The following PTPRD variants were observed in gnomAD, a reference collection of about 807,000 sequenced individuals.
PTPRD encodes the protein receptor-type tyrosine-protein phosphatase delta.
PTPRD carries 34 observed loss-of-function variants against 214.5 expected under a neutral mutation model. That is an observed-to-expected ratio of 0.16 (90% CI 0.12 to 0.21). PTPRD has a LOEUF of 0.21. Among genes scored for constraint, PTPRD ranks in the 10% least tolerant of loss-of-function variants. PTPRD has a pLI of 1.00. For missense variants in PTPRD, 2,545 were observed against 2,398.7 expected, an observed-to-expected ratio of 1.06 and a Z score of -1.27; for synonymous variants, 1,128 against 845.7, an observed-to-expected ratio of 1.33 and a Z score of -5.79.
At chr9:10,546,691 T>C (rs2060244202) in intron 2 of PTPRD, among the ~76,000 whole-genome samples, 1 of 152,022 alleles carries the variant, frequency 6.6e-6, no homozygotes, top group Admixed American at 6.6e-5. Flanking sequence ...CAATGAAGCA[T>C]AATAGATAGT....
chr9:9,144,658 C>T (rs1227008912), intron 10 of PTPRD, among the ~76,000 whole-genome samples: 1 of 152,002 alleles, frequency 6.6e-6, no homozygotes, highest in Non-Finnish European at 1.5e-5. Context: ...GAGGTTGAAG[C>T]ACGAGAATCA....
At chr9:9,640,293 C>G (rs573711430) in intron 7 of PTPRD, among the ~76,000 whole-genome samples, 1 of 152,196 alleles carries the variant, frequency 6.6e-6, no homozygotes, top group South Asian at 2.1e-4. Context: ...GCACTCTTTC[C>G]GAGGAACAGT....
At chr9:9,492,925 G>C (rs1160423630) in intron 8 of PTPRD, among the ~76,000 whole-genome samples, 1 of 144,582 alleles carries the variant, frequency 6.9e-6, no homozygotes, top group Admixed American at 7.1e-5. Flanking sequence ...AATTGTTCTG[G>C]GGCACCATGA....
chr9:9,211,618 C>G (rs1016617571), intron 9 of PTPRD, among the ~76,000 whole-genome samples: 5 of 151,482 alleles, frequency 3.3e-5, no homozygotes, highest in African/African-American at 9.7e-5. Context: ...CTTTAAGCTA[C>G]AAAATATTTG....
chr9:9,330,445 T>C (rs532973289), intron 9 of PTPRD, among the ~76,000 whole-genome samples: 6 of 152,278 alleles, frequency 3.9e-5, no homozygotes, highest in African/African-American at 9.6e-5. Flanking sequence ...ATTCTATACA[T>C]ATAATTGAAA....
intron 4 of PTPRD, among the ~76,000 whole-genome samples, chr9:9,973,382 G>A (rs1205831011): frequency 6.6e-6 from 1 of 151,950 alleles, no homozygotes; most frequent in Non-Finnish European, 1.5e-5. Flanking sequence ...TGAAGCCGGA[G>A]GGTTACTTAA....
chr9:8,655,476 T>G (rs147003133), intron 12 of PTPRD, among the ~76,000 whole-genome samples: 1 of 152,212 alleles, frequency 6.6e-6, no homozygotes, highest in Non-Finnish European at 1.5e-5. Context: ...AAGCATTTTC[T>G]GGAAATAGTG....
intron 7 of PTPRD, among the ~76,000 whole-genome samples, chr9:9,698,993 C>T (rs186666772): frequency 9.3e-4 from 142 of 152,168 alleles, no homozygotes; most frequent in African/African-American, 2.9e-3. Context: ...TTTAATAAAA[C>T]GATTGTCTTT....
At chr9:9,919,622 T>C (rs2081979145) in intron 5 of PTPRD, among the ~76,000 whole-genome samples, 1 of 152,120 alleles carries the variant, frequency 6.6e-6, no homozygotes, top group Non-Finnish European at 1.5e-5. Context: ...CAGATGGAAA[T>C]GGAAATTACA....
intron 9 of PTPRD, among the ~76,000 whole-genome samples, chr9:9,288,679 C>G (rs916246051): frequency 3.3e-5 from 5 of 151,800 alleles, no homozygotes; most frequent in Non-Finnish European, 7.4e-5. Context: ...TAAATACATG[C>G]TTTGTTTTTC....
chr9:9,543,581 G>T (rs2078092351), intron 8 of PTPRD, among the ~76,000 whole-genome samples: 1 of 151,246 alleles, frequency 6.6e-6, no homozygotes, highest in South Asian at 2.1e-4. Context: ...AGATTTTTTG[G>T]TGATGGATAA....
intron 11 of PTPRD, among the ~76,000 whole-genome samples, chr9:9,006,186 G>C (rs772608087): frequency 1.4e-5 from 2 of 139,790 alleles, no homozygotes; most frequent in Non-Finnish European, 3.1e-5. Context: ...AGAAAGATTA[G>C]AGGTGTATCC....
intron 3 of PTPRD, among the ~76,000 whole-genome samples, chr9:10,099,200 G>A (rs72694848): frequency 0.036 from 5,483 of 151,542 alleles, 177 homozygotes; most frequent in Admixed American, 0.092. Flanking sequence ...AAGAGCCTGG[G>A]GTCTAAAATC....
intron 30 of PTPRD, among the ~76,000 whole-genome samples, chr9:8,478,972 T>C (rs1291350723): frequency 6.6e-6 from 1 of 152,168 alleles, no homozygotes; most frequent in African/African-American, 2.4e-5. Flanking sequence ...TGAAAACAAA[T>C]AGGAAGCATT....
chr9:9,058,637 G>C (rs1408534970), intron 10 of PTPRD, among the ~76,000 whole-genome samples: 2 of 150,852 alleles, frequency 1.3e-5, no homozygotes, highest in African/African-American at 4.9e-5. Flanking sequence ...TTTTAGTAGA[G>C]ACGGGGTTTC....
chr9:9,039,864 G>C (rs1020366854), intron 10 of PTPRD, among the ~76,000 whole-genome samples: 7 of 152,100 alleles, frequency 4.6e-5, no homozygotes. Flanking sequence ...TACAATATCT[G>C]AGCTCAAAGC....
intron 5 of PTPRD, among the ~76,000 whole-genome samples, chr9:9,797,744 G>C (rs886554425): frequency 6.6e-6 from 1 of 151,976 alleles, no homozygotes; most frequent in Non-Finnish European, 1.5e-5. Flanking sequence ...TACTCGGGGG[G>C]GGCTGAGGCA....
At chr9:9,320,127 A>G (rs1359672855) in intron 9 of PTPRD, among the ~76,000 whole-genome samples, 2 of 152,208 alleles carry the variant, frequency 1.3e-5, no homozygotes, top group African/African-American at 4.8e-5. Flanking sequence ...AAATTTAGGT[A>G]TATAAGAATT....
At chr9:10,174,263 G>T (rs2099231694) in intron 3 of PTPRD, among the ~76,000 whole-genome samples, 1 of 152,172 alleles carries the variant, frequency 6.6e-6, no homozygotes, top group South Asian at 2.1e-4. Flanking sequence ...GATAACTCAT[G>T]TCCTTCCTTG....
Sources: allele counts gnomAD v4.1 joint callset (sites outside exome capture counted in the v4.1 genomes callset), GRCh38; gene constraint gnomAD v4.1.1; transcripts MANE v1.5; gene names NCBI Gene and HGNC (gene_info 2026-07-23, HGNC 2026-07-21).